The following RIC1 variants were observed in gnomAD, a reference collection of about 807,000 sequenced individuals.
RIC1 encodes guanine nucleotide exchange factor subunit RIC1.
RIC1 carries 88 observed loss-of-function variants against 169.0 expected under a neutral mutation model. That is an observed-to-expected ratio of 0.52 (90% CI 0.44 to 0.62). RIC1 has a LOEUF of 0.62. Among genes scored for constraint, RIC1 ranks in the 20% least tolerant of loss-of-function variants. The probability of loss-of-function intolerance (pLI) is 0.00; values close to 1 mark genes in which losing one functional copy is unlikely to be tolerated. For synonymous variants in RIC1, 790 were observed against 601.5 expected (o/e 1.31, Z -4.59); for missense variants, 1,877 against 1,725.5 (o/e 1.09, Z -1.56).
chr9:5,770,995 A>C (rs1306920868), intron 23 of RIC1, among the ~76,000 whole-genome samples: 1 of 152,158 alleles, frequency 6.6e-6, no homozygotes, highest in Non-Finnish European at 1.5e-5. Flanking sequence ...TTTGATTATC[A>C]GTCTGTCATC....
rs1280599782 is a variant in RIC1 at position 5,629,415 on chromosome 9, G to A, written c.106G>A (p.Val36Met). 9.8e-6 allele frequency: 15 copies of A among 1,533,450 alleles called. No individual in the cohort carries two copies. In the Admixed American group the frequency reaches 2.4e-4, roughly 24 times the overall value. The allele number at this position is 1,533,450 out of a possible 1,614,324, so 95.0% of individuals were successfully genotyped here. ...QSDPQRAFFA[V>M]LAAARLSIWY... ...CGACCCGCAGAGGGCTTTCTTCGCC[G>A]TGCTGGCCGCGGCCCGCCTCAGCAT... The change falls in exon 1 of 26, where the codon GTG (valine) becomes ATG (methionine). Residue 36 changes from valine (V) to methionine (M), a missense_variant. Val to Met is a conservative substitution (Grantham distance 21). This residue lies in a region of RIC1 where 1,104 missense variants were observed against 992.0 expected (regional missense o/e 1.11). Transcript: ENST00000414202.
intron 17 of RIC1, 49 bp downstream of exon 17, chr9:5,757,500 G>A (rs774401094): frequency 6.3e-7 from 1 of 1,593,726 alleles, no homozygotes; most frequent in Non-Finnish European, 8.6e-7. Flanking sequence ...TCTGTTTTTA[G>A]TATTTGAGTC....
chr9:5,723,333 C>T (rs1215800989), intron 6 of RIC1, among the ~76,000 whole-genome samples: 1 of 152,122 alleles, frequency 6.6e-6, no homozygotes, highest in East Asian at 1.9e-4. Flanking sequence ...TTTCATGTGT[C>T]TGTTGGCTGC....
At chr9:5,777,184 G>A (rs143864222), downstream of RIC1, among the ~76,000 whole-genome samples, 13 of 152,012 alleles carry the variant, frequency 8.6e-5, no homozygotes, top group Middle Eastern at 3.2e-3. Context: ...TAATTAGGTC[G>A]TTTCATTGTT....
chr9:5,712,428 T>C (rs1335033323), intron 3 of RIC1, among the ~76,000 whole-genome samples: 1 of 152,184 alleles, frequency 6.6e-6, no homozygotes, highest in Non-Finnish European at 1.5e-5. Flanking sequence ...GAGAACATTT[T>C]TGCAATCTAC....
At chr9:5,651,632 C>T (rs1035187625) in intron 1 of RIC1, among the ~76,000 whole-genome samples, 24 of 141,558 alleles carry the variant, frequency 1.7e-4, no homozygotes, top group African/African-American at 6.0e-4. Context: ...GGTGTGATCT[C>T]AGCTCACTTC....
chr9:5,755,725 C>A (rs1825970390), intron 15 of RIC1, among the ~76,000 whole-genome samples: 1 of 152,208 alleles, frequency 6.6e-6, no homozygotes, highest in Non-Finnish European at 1.5e-5. Context: ...GAGTTCAAGA[C>A]CAGCCAGGCC....
chr9:5,671,870 A>T (rs1192416019), intron 2 of RIC1, among the ~76,000 whole-genome samples: 4 of 152,202 alleles, frequency 2.6e-5, no homozygotes, highest in Non-Finnish European at 5.9e-5. Flanking sequence ...CTGAGACAGG[A>T]TCTGAGATTT....
chr9:5,713,921 C>A lies in RIC1; in HGVS notation c.358C>A (p.Pro120Thr). Residue 120 changes from proline (P) to threonine (T), a missense_variant, in exon 4 of 26, where the codon CCC becomes ACC. By Grantham distance (38) the Pro-to-Thr change is conservative (BLOSUM62 -1). Around this residue, in one of 3 missense-constraint regions of RIC1, gnomAD observed 1,104 missense variants for 992.0 expected, o/e 1.11. Transcript: ENST00000414202. Reference sequence around the variant, plus strand: ...AGGAAGTCCACAAATGAAGGGGACACCCCATTTTAAGGAAGAACAGTGTGC... The same window carrying A: ...AGGAAGTCCACAAATGAAGGGGACAACCCATTTTAAGGAAGAACAGTGTGC... ...PKGSPQMKGT[P>T]HFKEEQCAPA... is the part of the protein sequence containing the mutation. 1 of 1,612,824 alleles carries A rather than the reference C, an allele frequency of 6.2e-7. No individual in the cohort carries two copies. The highest frequency in any genetic ancestry group is 1.1e-5 in the South Asian group (1 of 90,972).
At chr9:5,715,674 CTTTTA>C (rs1279550141) in intron 4 of RIC1, among the ~76,000 whole-genome samples, 1 of 152,136 alleles carries the variant, frequency 6.6e-6, no homozygotes, top group Non-Finnish European at 1.5e-5. Flanking sequence ...ACTATCTCAT[CTTTTA>C]TTTTTGATTT....
intron 2 of RIC1, among the ~76,000 whole-genome samples, chr9:5,688,960 GTTGT>G (rs1251265153): frequency 6.6e-6 from 1 of 150,634 alleles, no homozygotes; most frequent in Admixed American, 6.6e-5. Context: ...ATGTAAAATG[GTTGT>G]TTGAACTTCA....
intron 4 of RIC1, among the ~76,000 whole-genome samples, chr9:5,714,764 A>G (rs1257415417): frequency 6.6e-6 from 1 of 152,204 alleles, no homozygotes; most frequent in East Asian, 1.9e-4. Flanking sequence ...AAGAGAGAGC[A>G]TGTATTTTTC....
intron 2 of RIC1, among the ~76,000 whole-genome samples, chr9:5,674,895 T>G (rs999730759): frequency 6.6e-6 from 1 of 152,256 alleles, no homozygotes; most frequent in Middle Eastern, 3.2e-3. Context: ...AATAAACTTC[T>G]AAATTGATTG....
intron 6 of RIC1, among the ~76,000 whole-genome samples, chr9:5,722,255 GAT>G (rs1563926580): frequency 7.1e-6 from 1 of 139,874 alleles, no homozygotes; most frequent in Non-Finnish European, 1.5e-5. Context: ...TGGAGGAAGA[GAT>G]TTTTTTTTTT....
chr9:5,703,093 C>T (rs1822337548), intron 3 of RIC1, among the ~76,000 whole-genome samples: 1 of 152,166 alleles, frequency 6.6e-6, no homozygotes, highest in African/African-American at 2.4e-5. Context: ...ACAAGAGTCC[C>T]CCAAAGTCTG....
chr9:5,711,580 TA>T (rs1822927764), intron 3 of RIC1, among the ~76,000 whole-genome samples: 3 of 150,958 alleles, frequency 2.0e-5, no homozygotes, highest in East Asian at 1.9e-4. Flanking sequence ...TATATATATA[TA>T]TATTTTTATT....
At chr9:5,733,146 CTCTT>C (rs1303140201) in intron 7 of RIC1, among the ~76,000 whole-genome samples, 1 of 150,718 alleles carries the variant, frequency 6.6e-6, no homozygotes, top group African/African-American at 2.4e-5. Flanking sequence ...GTTTTCTAAA[CTCTT>C]TCTTAAATAA....
intron 22 of RIC1, 56 bp from the exon 23 acceptor site, chr9:5,770,031 A>T (rs182073843): frequency 8.2e-5 from 117 of 1,427,082 alleles, no homozygotes; most frequent in Middle Eastern, 1.9e-4. Flanking sequence ...TGAAAATGTC[A>T]GTGTGTGCAT....
intron 2 of RIC1, among the ~76,000 whole-genome samples, chr9:5,659,910 A>G (rs562693948): frequency 6.6e-6 from 1 of 152,170 alleles, no homozygotes; most frequent in Admixed American, 6.5e-5. Context: ...AACATGTGCT[A>G]TGGTGGTTTC....
Sources: gnomAD v4.1 joint callset for allele counts (sites outside exome capture counted in the v4.1 genomes callset) on GRCh38, gnomAD v4.1.1 for gene constraint, gnomAD v4.1.1 regional missense constraint, MANE v1.5 for transcripts, NCBI Gene and HGNC (gene_info 2026-07-23, HGNC 2026-07-21) for gene names.